XRN1: variants seen among roughly 807,000 people sequenced by gnomAD.
XRN1 encodes 5'-3' exoribonuclease 1.
A neutral mutation model predicts 222.3 loss-of-function variants in XRN1; 67 were observed. The ratio of observed to expected loss-of-function variants is 0.30; its 90% CI spans 0.25 to 0.37. The LOEUF is 0.37. XRN1 is among the 10% of genes least tolerant of loss of function. XRN1 has a pLI of 1.00. For synonymous variants in XRN1, 643 were observed against 652.4 expected, an observed-to-expected ratio of 0.99 and a Z score of 0.22; for missense variants, 1,707 against 2,000.2, an observed-to-expected ratio of 0.85 and a Z score of 2.80.
intron 8 of XRN1, among the ~76,000 whole-genome samples, chr3:142,422,334 A>G (rs532153256): frequency 6.6e-4 from 100 of 152,272 alleles, no homozygotes; most frequent in African/African-American, 2.4e-3. Context: ...CAAAAAATAA[A>G]TAAATAATAA....
chr3:142,328,706 TATATATATATATATATATATATA>T (rs2065595175), intron 37 of XRN1, among the ~76,000 whole-genome samples: 3 of 1,758 alleles, frequency 1.7e-3, no homozygotes, highest in Non-Finnish European at 0.014. Context: ...TGTAATATTA[TATATATATATATATATATATATA>T]TATATATATA....
chr3:142,343,398 G>A (rs1049386097), intron 33 of XRN1, among the ~76,000 whole-genome samples: 16 of 151,678 alleles, frequency 1.1e-4, no homozygotes, highest in African/African-American at 3.6e-4. Context: ...AGATTTCAGT[G>A]AGCTGAGATC....
intron 2 of XRN1, among the ~76,000 whole-genome samples, chr3:142,427,246 T>A (rs2069294280): frequency 6.6e-6 from 1 of 151,968 alleles, no homozygotes; most frequent in African/African-American, 2.4e-5. Flanking sequence ...GGCAAAAGGA[T>A]CCCTTGAGCC....
chr3:142,400,171 G>C (rs1184985776), intron 19 of XRN1, among the ~76,000 whole-genome samples: 1 of 152,070 alleles, frequency 6.6e-6, no homozygotes, highest in African/African-American at 2.4e-5. Context: ...GTAATATAAT[G>C]ATAACCACTT....
rs184868760 is a variant in XRN1, at chr3:142,444,236, G to A, written c.75+3634C>T. 7.2e-5 allele frequency among the ~76,000 whole-genome samples: 11 copies of A among 152,304 alleles called. No individual in the cohort carries two copies. The East Asian group carries it at 2.1e-3, about 29-fold the overall frequency. On this transcript the variant is annotated intron_variant, in intron 1 of 40. Transcript: ENST00000392981. Reference sequence around the variant, plus strand: ...GAGGCGGGCAGATCACTTGAGCCCAGTAGTTCAAGATCAGAGTGGGCAACA... The same window carrying A: ...GAGGCGGGCAGATCACTTGAGCCCAATAGTTCAAGATCAGAGTGGGCAACA...
rs2070543793 is a variant in XRN1, at chr3:142,447,217, C to T, written c.75+653G>A. ...CAATTCGTTTCCCAACCCCCTCTGT[C>T]ACACAGTGAGGCCTCCAAATAAAAG... On this transcript the variant is annotated intron_variant, in intron 1 of 40. Transcript: ENST00000392981. This position sits in a 1 kb window ranked among gnomAD's most constrained non-coding sequence, Gnocchi z 4.2. 6.6e-6 allele frequency among the ~76,000 whole-genome samples: 1 copy of T among 152,208 alleles called. No individual in the cohort carries two copies. The highest frequency in any genetic ancestry group is 1.5e-5 in the Non-Finnish European group (1 of 68,044).
chr3:142,341,750 C>T (rs1019069448), intron 33 of XRN1, among the ~76,000 whole-genome samples: 2 of 151,812 alleles, frequency 1.3e-5, no homozygotes, highest in African/African-American at 4.8e-5. Flanking sequence ...CAATGGAAAC[C>T]AAAATGGAGC....
chr3:142,357,322 G>A (rs1042708022), intron 30 of XRN1, among the ~76,000 whole-genome samples: 1 of 152,092 alleles, frequency 6.6e-6, no homozygotes. Context: ...AGCATATTTA[G>A]TATTTACTAA....
At chr3:142,442,110 GA>G (rs2070244409) in intron 1 of XRN1, among the ~76,000 whole-genome samples, 3 of 152,036 alleles carry the variant, frequency 2.0e-5, no homozygotes, top group African/African-American at 7.2e-5. Flanking sequence ...TTAGGAGAAG[GA>G]AAAAGGGTAA....
intron 20 of XRN1, among the ~76,000 whole-genome samples, chr3:142,392,482 AC>A (rs952251986): frequency 1.2e-3 from 176 of 151,414 alleles, no homozygotes; most frequent in African/African-American, 4.0e-3. Context: ...CACTCCCACC[AC>A]CCCACAACAG....
intron 1 of XRN1, among the ~76,000 whole-genome samples, chr3:142,441,991 AGCAGGGTAT>A (rs934970921): frequency 6.6e-6 from 1 of 152,258 alleles, no homozygotes; most frequent in African/African-American, 2.4e-5. Context: ...GACTTTGAAA[AGCAGGGTAT>A]GCAGTGGTCA....
In XRN1 at chr3:142,311,471, A is replaced by G; in HGVS notation, c.*40T>C. 8.0e-6 allele frequency: 12 copies of G among 1,493,948 alleles called. No individual in the cohort carries two copies. The highest frequency in any genetic ancestry group is 1.1e-5 in the Non-Finnish European group (12 of 1,108,236). 92.5% of individuals were successfully genotyped at this position (1,493,948 alleles called of 1,614,324 possible). ...TAGATATGTATTTATAAAAAGGTAGATGGAAAGAGAAGAAATTAACTTAAT... is the reference window on the plus strand; with the variant it reads ...TAGATATGTATTTATAAAAAGGTAGGTGGAAAGAGAAGAAATTAACTTAAT... On this transcript the variant is annotated 3_prime_UTR_variant, in exon 41 of 41. Transcript: ENST00000392981.
chr3:142,320,904 G>A (rs2065335447), intron 37 of XRN1, among the ~76,000 whole-genome samples: 1 of 151,980 alleles, frequency 6.6e-6, no homozygotes. Context: ...AGAAATCACT[G>A]CCAAATCCAA....
intron 15 of XRN1, 132 bp from the exon 16 acceptor site, chr3:142,405,208 A>T (rs1253785804): frequency 1.3e-6 from 1 of 745,278 alleles, no homozygotes; most frequent in South Asian, 1.9e-5. Context: ...CAAAATCTTA[A>T]CTAATGAAAC....
chr3:142,357,082 C>A lies in XRN1; in HGVS notation c.3502G>T (p.Ala1168Ser), dbSNP rs767596838. The change falls in exon 31 of 41, where the codon GCC becomes TCC. Residue 1168 changes from alanine to serine, a missense_variant. Ala to Ser is a moderately conservative substitution (Grantham distance 99). Transcript: ENST00000392981. ...CTCCCATGAGAAAGGTTCACCAAGG[C>A]ACTTGTTGGCAGTCGATAACCTCTA... ...PGRGYRLPTS[A>S]LVNLSHGSRS... The A allele has an allele frequency of 6.2e-7, 1 of 1,613,448 alleles. No homozygotes were observed. Among genetic ancestry groups the A allele is most frequent in the South Asian group, 1.1e-5 (1 of 90,970 alleles).
intron 15 of XRN1, among the ~76,000 whole-genome samples, chr3:142,410,722 C>T (rs1313915875): frequency 6.6e-6 from 1 of 151,990 alleles, no homozygotes; most frequent in Non-Finnish European, 1.5e-5. Flanking sequence ...TCTTGATCTC[C>T]TGACCTCATG....
chr3:142,422,725 A>G lies in XRN1; in HGVS notation c.824T>C (p.Ile275Thr). ...AATCCAATCATCTATTATCCTTTCA[A>G]TATCATATTTAAATGTGATCTTTTC... is the stretch of plus-strand genomic sequence containing the variant. Reference protein sequence around the residue: ...LKEKITFKYDIERIIDDWILM... With the variant: ...LKEKITFKYDTERIIDDWILM... Residue 275 changes from isoleucine (I) to threonine (T), a missense_variant, in exon 8 of 41, where the codon ATT becomes ACT. Ile to Thr is a moderately conservative substitution (Grantham distance 89). Coordinates refer to ENST00000392981, the MANE Select transcript of XRN1 (RefSeq NM_001282857.2). 1 of 1,611,720 alleles carries G rather than the reference A, an allele frequency of 6.2e-7. No individual in the cohort carries two copies. Among genetic ancestry groups the G allele is most frequent in the Non-Finnish European group, 8.5e-7 (1 of 1,178,810 alleles).
At chr3:142,415,150 T>A (rs2068733334) in intron 13 of XRN1, among the ~76,000 whole-genome samples, 1 of 152,262 alleles carries the variant, frequency 6.6e-6, no homozygotes, top group South Asian at 2.1e-4. Context: ...TGAAACCATG[T>A]ATCGATCACA....
chr3:142,348,671 C>CA (rs2066218584), intron 32 of XRN1, among the ~76,000 whole-genome samples: 1 of 152,110 alleles, frequency 6.6e-6, no homozygotes, highest in East Asian at 1.9e-4. Flanking sequence ...ACACTGGGTA[C>CA]AAAGACACAA....
Sources: allele counts gnomAD v4.1 joint callset (sites outside exome capture counted in the v4.1 genomes callset), GRCh38; gene constraint gnomAD v4.1.1; non-coding constraint Gnocchi (gnomAD v3.1); transcripts MANE v1.5; gene names NCBI Gene and HGNC (gene_info 2026-07-23, HGNC 2026-07-21).